The following BRINP1 variants were observed in gnomAD, a reference collection of about 807,000 sequenced individuals.
BRINP1 encodes BMP/retinoic acid-inducible neural-specific protein 1.
A neutral mutation model predicts 72.9 loss-of-function variants in BRINP1; 17 were observed. The observed-to-expected ratio is 0.23, with a 90% CI of 0.16 to 0.35. The LOEUF is 0.35. Ranked by LOEUF, BRINP1 falls within the 10% of genes least tolerant of loss-of-function variation. The pLI, the probability that BRINP1 is intolerant of heterozygous loss-of-function variation, is 1.00. For synonymous variants in BRINP1, 418 were observed against 378.5 expected, an observed-to-expected ratio of 1.10 and a Z score of -1.21; for missense variants, 850 against 1,001.6, an observed-to-expected ratio of 0.85 and a Z score of 2.04.
In BRINP1 at chr9:119,166,632, A is replaced by T. The variant is rs577082786; in HGVS notation, c.*452T>A. Reference sequence around the variant, plus strand: ...TTAATTAAGCATAAAGAGGGAATAAATCTTAACCGAAGAAATATCTTCTTT... The same window carrying T: ...TTAATTAAGCATAAAGAGGGAATAATTCTTAACCGAAGAAATATCTTCTTT... On this transcript the variant is annotated 3_prime_UTR_variant, in exon 8 of 8. Coordinates refer to ENST00000265922, the MANE Select transcript of BRINP1 (RefSeq NM_014618.3). 1 of 155,686 alleles carries T rather than the reference A, an allele frequency of 6.4e-6. No individual in the cohort carries two copies. The highest frequency in any genetic ancestry group is 1.9e-4 in the East Asian group (1 of 5,214). 9.6% of individuals were successfully genotyped at this position (155,686 alleles called of 1,614,324 possible). A position where few individuals can be genotyped will look rare whatever the true frequency, so the allele number is the denominator to read the frequency against.
intron 1 of BRINP1, among the ~76,000 whole-genome samples, chr9:119,343,467 T>G: frequency 6.6e-6 from 1 of 152,154 alleles, no homozygotes; most frequent in East Asian, 1.9e-4. Context: ...CACTTACATT[T>G]CACTTTATGA....
chr9:119,214,176 G>C (rs1829956445), intron 5 of BRINP1, 21 bp from the exon 6 acceptor site: 1 of 1,564,116 alleles, frequency 6.4e-7, no homozygotes, highest in Non-Finnish European at 8.8e-7. Flanking sequence ...ATAGCAAGAA[G>C]GGAAAACAGA....
At chr9:119,213,869 A>G in intron 6 of BRINP1, 50 bp downstream of exon 6, 1 of 1,505,156 alleles carries the variant, frequency 6.6e-7, no homozygotes. Context: ...GCTCCCTTTC[A>G]GACTTGGCTC....
intron 2 of BRINP1, among the ~76,000 whole-genome samples, chr9:119,289,415 G>A (rs951883767): frequency 6.6e-6 from 1 of 152,148 alleles, no homozygotes; most frequent in African/African-American, 2.4e-5. Flanking sequence ...TTTATTTTAG[G>A]AGATCAGTTA....
chr9:119,168,032 G>A lies in BRINP1; in HGVS notation c.1338C>T (p.Leu446=), dbSNP rs1564207262. The change falls in exon 8 of 8, where the codon CTC becomes CTT. Residue 446 remains leucine (L), a synonymous_variant. Transcript: ENST00000265922. ...TGTAGCCCTTGTTGCAGGAGCCGCA[G>A]AGGGAGATGTTGGCCAGGCTGCACA... ...CAMCSLANIS[L]CGSCNKGYKL... The A allele has an allele frequency of 1.9e-6, 3 of 1,612,994 alleles. No individual in the cohort carries two copies. Among genetic ancestry groups the A allele is most frequent in the Non-Finnish European group, 2.5e-6 (3 of 1,179,130 alleles).
intron 1 of BRINP1, among the ~76,000 whole-genome samples, chr9:119,318,291 T>C (rs1204918506): frequency 6.6e-6 from 1 of 152,194 alleles, no homozygotes; most frequent in Non-Finnish European, 1.5e-5. Flanking sequence ...ACCTCATTTG[T>C]CTACTTTTCC....
Position 119,213,965 on chromosome 9 carries a change from G to A in BRINP1, c.876C>T (p.Asn292=), listed in dbSNP as rs755940576. 4 of 1,614,072 alleles carry A rather than the reference G, an allele frequency of 2.5e-6. No individual in the cohort carries two copies. The South Asian group carries it at 3.3e-5, about 13-fold the overall frequency. Residue 292 remains asparagine, a synonymous_variant, in exon 6 of 8, where the codon AAC becomes AAT. Transcript: ENST00000265922. ...DIQIMEYTLA[N]MAKSWAEAYK... ...AAGCTTCGGCCCAAGACTTGGCCATGTTGGCCAGCGTGTACTCCATGATCT... is the reference window on the plus strand; with the variant it reads ...AAGCTTCGGCCCAAGACTTGGCCATATTGGCCAGCGTGTACTCCATGATCT...
chr9:119,368,391 G>A lies in BRINP1; in HGVS notation c.-51+665C>T, dbSNP rs1376953533. 6.6e-6 allele frequency among the ~76,000 whole-genome samples: 1 copy of A among 151,982 alleles called. No individual in the cohort carries two copies. The highest frequency in any genetic ancestry group is 2.4e-5 in the African/African-American group (1 of 41,344). On this transcript the variant is annotated intron_variant, in intron 1 of 7. Coordinates refer to ENST00000265922, the MANE Select transcript of BRINP1 (RefSeq NM_014618.3). The surrounding 1 kb of genome is among the most constrained non-coding windows in gnomAD (Gnocchi z 4.7). Reference sequence around the variant, plus strand: ...CCATGTCTCTTTCATATTAAGCTGTGGGTCCCAGTGTAGCAGGATTCCACC... The same window carrying A: ...CCATGTCTCTTTCATATTAAGCTGTAGGTCCCAGTGTAGCAGGATTCCACC...
chr9:119,168,636 T>C (rs1431465199), intron 7 of BRINP1, among the ~76,000 whole-genome samples: 3 of 152,132 alleles, frequency 2.0e-5, no homozygotes, highest in Non-Finnish European at 2.9e-5. Context: ...ACCTTAGGGG[T>C]TATTTGTTTA....
At chr9:119,310,327 A>C (rs1831048151) in intron 2 of BRINP1, among the ~76,000 whole-genome samples, 1 of 152,176 alleles carries the variant, frequency 6.6e-6, no homozygotes, top group Admixed American at 6.5e-5. Flanking sequence ...TGGCAACTCA[A>C]GTTTGTGAGT....
chr9:119,292,352 A>G (rs546240851), intron 2 of BRINP1, among the ~76,000 whole-genome samples: 48 of 152,316 alleles, frequency 3.2e-4, no homozygotes, highest in African/African-American at 1.1e-3. Context: ...TAATGACATA[A>G]GCTATATGTA....
chr9:119,319,540 A>G (rs10118663), intron 1 of BRINP1, among the ~76,000 whole-genome samples: 20,254 of 152,206 alleles, frequency 0.13, 1,571 homozygotes, highest in African/African-American at 0.2. Context: ...TATGTAAATA[A>G]GACCATATTA....
intron 2 of BRINP1, among the ~76,000 whole-genome samples, chr9:119,292,437 T>A (rs1830829958): frequency 6.6e-6 from 1 of 152,306 alleles, no homozygotes; most frequent in Middle Eastern, 3.4e-3. Context: ...ATTAGCACCT[T>A]CAGCTAGGAC....
At chr9:119,286,485 C>T (rs937312318) in intron 2 of BRINP1, among the ~76,000 whole-genome samples, 1 of 152,208 alleles carries the variant, frequency 6.6e-6, no homozygotes, top group Admixed American at 6.5e-5. Flanking sequence ...CCGCCCACCT[C>T]GGCCTCCCAA....
At chr9:119,228,049 G>A (rs912483862) in intron 5 of BRINP1, among the ~76,000 whole-genome samples, 3 of 152,002 alleles carry the variant, frequency 2.0e-5, no homozygotes, top group East Asian at 1.9e-4. Flanking sequence ...CATCTGTGAC[G>A]TCTAGCTACT....
chr9:119,251,244 C>T (rs73661137), intron 2 of BRINP1, among the ~76,000 whole-genome samples: 1,730 of 152,188 alleles, frequency 0.011, 23 homozygotes, highest in African/African-American at 0.039. Context: ...ATGATGTCCA[C>T]GGAAGGGGAA....
At chr9:119,175,228 T>G (rs2778886) in intron 7 of BRINP1, among the ~76,000 whole-genome samples, 17,963 of 151,238 alleles carry the variant, frequency 0.12, 2,958 homozygotes, top group African/African-American at 0.38. Context: ...GGACATGGAT[T>G]AAGCTGGAAA....
chr9:119,359,000 T>C (rs183495265), intron 1 of BRINP1, among the ~76,000 whole-genome samples: 1 of 152,326 alleles, frequency 6.6e-6, no homozygotes, highest in East Asian at 1.9e-4. Context: ...ATACTTTTTT[T>C]CTACATGTTA....
intron 1 of BRINP1, among the ~76,000 whole-genome samples, chr9:119,337,275 G>A (rs1831356359): frequency 6.6e-6 from 1 of 152,172 alleles, no homozygotes; most frequent in African/African-American, 2.4e-5. Flanking sequence ...ACAAAGGAAT[G>A]ACGTGGCCAG....
Sources: gnomAD v4.1 joint callset for allele counts (sites outside exome capture counted in the v4.1 genomes callset) on GRCh38, gnomAD v4.1.1 for gene constraint, Gnocchi (gnomAD v3.1) non-coding constraint, MANE v1.5 for transcripts, NCBI Gene and HGNC (gene_info 2026-07-23, HGNC 2026-07-21) for gene names.